Variants in ABTB3 observed in about 807,000 individuals in gnomAD.
ABTB3 encodes the protein ankyrin repeat and BTB domain containing 3.
the ABTB3 span, among the ~76,000 whole-genome samples, chr12:107,410,662 T>G: frequency 6.6e-6 from 1 of 152,006 alleles, no homozygotes; most frequent in Admixed American, 6.6e-5. Context: ...TGGAATTCAA[T>G]AAGACATAGT....
the ABTB3 span, among the ~76,000 whole-genome samples, chr12:107,644,235 A>G: frequency 6.6e-6 from 1 of 152,194 alleles, no homozygotes; most frequent in Admixed American, 6.5e-5. Flanking sequence ...GAATGTGCTG[A>G]GAGTAAGAAC....
the ABTB3 span, among the ~76,000 whole-genome samples, chr12:107,406,199 T>C: frequency 6.6e-6 from 1 of 152,204 alleles, no homozygotes; most frequent in Non-Finnish European, 1.5e-5. Context: ...ACATACGAAG[T>C]GCTTAGAACA....
chr12:107,525,035 C>G, the ABTB3 span, among the ~76,000 whole-genome samples: 1 of 152,054 alleles, frequency 6.6e-6, no homozygotes, highest in African/African-American at 2.4e-5. Context: ...CCCATAAGAT[C>G]ATAATACTGG....
At chr12:107,413,135 G>A in the ABTB3 span, among the ~76,000 whole-genome samples, 2 of 151,674 alleles carry the variant, frequency 1.3e-5, no homozygotes, top group Non-Finnish European at 2.9e-5. Flanking sequence ...TTAGCCGGGC[G>A]TGGTGGTGGG....
the ABTB3 span, among the ~76,000 whole-genome samples, chr12:107,622,824 C>A: frequency 6.6e-6 from 1 of 152,172 alleles, no homozygotes; most frequent in Non-Finnish European, 1.5e-5. Flanking sequence ...AATAAATCCA[C>A]TTTATGTTCA....
chr12:107,638,612 T>C, the ABTB3 span, among the ~76,000 whole-genome samples: 4,909 of 152,068 alleles, frequency 0.032, 262 homozygotes, highest in African/African-American at 0.11. Flanking sequence ...GCAACAGGAG[T>C]CAAGGCGTTC....
chr12:107,653,165 A>AC, the ABTB3 span, among the ~76,000 whole-genome samples: 1 of 152,190 alleles, frequency 6.6e-6, no homozygotes, highest in African/African-American at 2.4e-5. Context: ...CATATCACAC[A>AC]CAGCTCTGGA....
chr12:107,556,240 A>G, the ABTB3 span, among the ~76,000 whole-genome samples: 4 of 151,976 alleles, frequency 2.6e-5, no homozygotes, highest in Non-Finnish European at 4.4e-5. Flanking sequence ...GATTACAGGC[A>G]TGCACCACCA....
the ABTB3 span, among the ~76,000 whole-genome samples, chr12:107,471,775 G>A: frequency 1.3e-5 from 2 of 152,076 alleles, no homozygotes; most frequent in Admixed American, 6.6e-5. Context: ...TGAGGCTCAG[G>A]GGCTGAGTGG....
chr12:107,400,364 G>A, the ABTB3 span, among the ~76,000 whole-genome samples: 2 of 152,170 alleles, frequency 1.3e-5, no homozygotes, highest in Admixed American at 6.5e-5. Flanking sequence ...ATTTCTGATT[G>A]AGTAGCTCTA....
At chr12:107,444,748 A>T in the ABTB3 span, among the ~76,000 whole-genome samples, 1 of 152,150 alleles carries the variant, frequency 6.6e-6, no homozygotes, top group Non-Finnish European at 1.5e-5. Context: ...ATACGCACTC[A>T]ACCTTTTGGA....
At chr12:107,351,694 C>T in the ABTB3 span, among the ~76,000 whole-genome samples, 1 of 152,184 alleles carries the variant, frequency 6.6e-6, no homozygotes, top group African/African-American at 2.4e-5. Flanking sequence ...AGGGCCCTCA[C>T]CAGATGCAGC....
the ABTB3 span, among the ~76,000 whole-genome samples, chr12:107,375,422 A>AATCATCATCATCATCATAATC: frequency 9.3e-3 from 1,384 of 148,376 alleles, 11 homozygotes; most frequent in Middle Eastern, 0.028. Context: ...TGGTGTCAGA[A>AATCATCATCATCATCATAATC]ATCATCATCA....
chr12:107,367,086 G>A, the ABTB3 span, among the ~76,000 whole-genome samples: 8 of 152,216 alleles, frequency 5.3e-5, no homozygotes, highest in Non-Finnish European at 8.8e-5. Flanking sequence ...TGCCACAGTT[G>A]GTACAGTCCG....
chr12:107,539,349 C>T, the ABTB3 span, among the ~76,000 whole-genome samples: 1 of 152,266 alleles, frequency 6.6e-6, no homozygotes, highest in East Asian at 1.9e-4. Context: ...CTTATTCTGA[C>T]CAGTGGTTGG....
chr12:107,552,031 C>G, the ABTB3 span, among the ~76,000 whole-genome samples: 92 of 152,284 alleles, frequency 6.0e-4, no homozygotes, highest in African/African-American at 2.0e-3. Context: ...GGATTACAGG[C>G]GTGAGCCACC....
At chr12:107,451,402 G>A in the ABTB3 span, among the ~76,000 whole-genome samples, 4 of 152,290 alleles carry the variant, frequency 2.6e-5, no homozygotes, top group South Asian at 6.2e-4. Context: ...ACGCAGTACT[G>A]AGCCCTCCAG....
chr12:107,554,990 C>T, the ABTB3 span, among the ~76,000 whole-genome samples: 1 of 152,096 alleles, frequency 6.6e-6, no homozygotes, highest in African/African-American at 2.4e-5. Flanking sequence ...CCTCGACTCC[C>T]CTTCCCTCAT....
At chr12:107,642,269 C>G in the ABTB3 span, 6 of 1,092,262 alleles carry the variant, frequency 5.5e-6, no homozygotes, top group Non-Finnish European at 1.4e-6. Flanking sequence ...TTGGAGAAGT[C>G]CTTGGAATGA....
Sources: gnomAD v4.1 joint callset for allele counts (sites outside exome capture counted in the v4.1 genomes callset) on GRCh38, gnomAD v4.1.1 for gene constraint, MANE v1.5 for transcripts, NCBI Gene and HGNC (gene_info 2026-07-23, HGNC 2026-07-21) for gene names.